The following ENOX1 variants were observed in gnomAD, a reference collection of about 807,000 sequenced individuals.
ENOX1 encodes ecto-NOX disulfide-thiol exchanger 1.
Under a neutral mutation model 82.5 loss-of-function variants are expected in ENOX1, and 42 were observed. The observed-to-expected ratio is 0.51, with a 90% CI of 0.40 to 0.66. ENOX1 has a LOEUF of 0.66. ENOX1 is among the 30% of genes least tolerant of loss of function. The pLI is 0.00. For synonymous variants in ENOX1, 271 were observed against 282.2 expected, an observed-to-expected ratio of 0.96 and a Z score of 0.40; for missense variants, 608 against 811.6, an observed-to-expected ratio of 0.75 and a Z score of 3.05.
intron 2 of ENOX1, among the ~76,000 whole-genome samples, chr13:43,572,484 A>C (rs559311600): frequency 4.3e-4 from 66 of 152,322 alleles, no homozygotes; most frequent in African/African-American, 1.5e-3. Flanking sequence ...CAATGAAAAC[A>C]ATGATGATCC....
intron 2 of ENOX1, among the ~76,000 whole-genome samples, chr13:43,517,133 G>T (rs7317280): frequency 0.26 from 39,236 of 152,120 alleles, 6,950 homozygotes; most frequent in East Asian, 0.65. Context: ...ATACAGACTA[G>T]AGTGTGCCTC....
chr13:43,432,918 CAATT>C (rs1239801830), intron 3 of ENOX1, among the ~76,000 whole-genome samples: 2 of 152,026 alleles, frequency 1.3e-5, no homozygotes, highest in Non-Finnish European at 2.9e-5. Context: ...CACCAAACAG[CAATT>C]AATTGTCAAT....
intron 16 of ENOX1, 57 bp from the exon 17 acceptor site, chr13:43,214,178 T>C: frequency 6.3e-7 from 1 of 1,576,738 alleles, no homozygotes; most frequent in Non-Finnish European, 8.7e-7. Context: ...AAAGGAGGAA[T>C]GGATTGGGGA....
At chr13:43,563,391 G>A (rs943075302) in intron 2 of ENOX1, among the ~76,000 whole-genome samples, 1 of 151,968 alleles carries the variant, frequency 6.6e-6, no homozygotes, top group African/African-American at 2.4e-5. Flanking sequence ...AGAGAAAACA[G>A]TTAGAAAAGG....
At chr13:43,272,803 T>C (rs921134798) in intron 12 of ENOX1, among the ~76,000 whole-genome samples, 2 of 152,172 alleles carry the variant, frequency 1.3e-5, no homozygotes, top group Admixed American at 1.3e-4. Context: ...ATTATTCTAA[T>C]GTGTAACTGG....
intron 2 of ENOX1, among the ~76,000 whole-genome samples, chr13:43,623,461 T>TGACTCAGCTCC (rs1268722495): frequency 8.7e-4 from 132 of 152,264 alleles, no homozygotes; most frequent in South Asian, 4.6e-3. Context: ...TGCTCAGCTC[T>TGACTCAGCTCC]CCAAACTGAC....
At chr13:43,709,861 G>A (rs408740) in intron 1 of ENOX1, among the ~76,000 whole-genome samples, 117,281 of 152,054 alleles carry the variant, frequency 0.77, 48,200 homozygotes, top group South Asian at 0.93. Context: ...AAACAGAACC[G>A]GAAATAATAA....
At chr13:43,454,957 C>T (rs1451412576) in intron 3 of ENOX1, among the ~76,000 whole-genome samples, 1 of 151,994 alleles carries the variant, frequency 6.6e-6, no homozygotes, top group African/African-American at 2.4e-5. Context: ...GCCAGCTGCC[C>T]ACCTGTTGTC....
At chr13:43,645,256 T>C (rs1447059775) in intron 2 of ENOX1, among the ~76,000 whole-genome samples, 3 of 152,108 alleles carry the variant, frequency 2.0e-5, no homozygotes, top group Admixed American at 1.3e-4. Flanking sequence ...TACCTGAGGC[T>C]CAAGTGATCC....
intron 1 of ENOX1, among the ~76,000 whole-genome samples, chr13:43,719,957 T>C (rs2153817599): frequency 6.6e-6 from 1 of 152,286 alleles, no homozygotes; most frequent in African/African-American, 2.4e-5. Context: ...GAAAATAACC[T>C]ACAGCAGGTT....
chr13:43,364,331 G>C (rs1433229186), intron 5 of ENOX1, among the ~76,000 whole-genome samples: 3 of 152,184 alleles, frequency 2.0e-5, no homozygotes, highest in Non-Finnish European at 4.4e-5. Flanking sequence ...GCGCAAAGAG[G>C]AGGACTGCTT....
At chr13:43,322,015 A>G (rs1053002102) in intron 11 of ENOX1, among the ~76,000 whole-genome samples, 6 of 152,234 alleles carry the variant, frequency 3.9e-5, no homozygotes, top group African/African-American at 4.8e-5. Context: ...GAAGCTAGAA[A>G]GCTTCTTCAG....
rs1308536883 is a variant in ENOX1, at chr13:43,284,463, A to C, written c.1446+13883T>G. Among the ~76,000 whole-genome samples the C allele has an allele frequency of 3.9e-5, 6 of 152,302 alleles. No individual in the cohort carries two copies. In the East Asian group the frequency reaches 1.2e-3, roughly 29 times the overall value. ...ATGAATGAGAATTCCAAAGCTGGCC[A>C]ACGAAAGCCACTCTGACTGAATCTG... On this transcript the variant is annotated intron_variant, in intron 12 of 16. Coordinates refer to ENST00000690772, the MANE Select transcript of ENOX1 (RefSeq NM_001347969.2).
chr13:43,405,211 A>C (rs1594375350), intron 5 of ENOX1, among the ~76,000 whole-genome samples: 1 of 152,110 alleles, frequency 6.6e-6, no homozygotes, highest in South Asian at 2.1e-4. Flanking sequence ...CTCATTTCAA[A>C]TCTTGGAGCC....
chr13:43,575,151 A>T (rs1171322845), intron 2 of ENOX1, among the ~76,000 whole-genome samples: 1 of 152,204 alleles, frequency 6.6e-6, no homozygotes. Flanking sequence ...GCCCTTTAAT[A>T]TTTAACTTCA....
At chr13:43,598,421 A>T (rs562212749) in intron 2 of ENOX1, among the ~76,000 whole-genome samples, 191 of 152,346 alleles carry the variant, frequency 1.3e-3, no homozygotes, top group African/African-American at 3.7e-3. Context: ...GATTGAAAGT[A>T]CTAGTATCAG....
chr13:43,739,843 A>G (rs1261981509), intron 1 of ENOX1, among the ~76,000 whole-genome samples: 2 of 152,074 alleles, frequency 1.3e-5, no homozygotes, highest in Non-Finnish European at 2.9e-5. Flanking sequence ...CACCCGAAAC[A>G]GCAAGACCCA....
chr13:43,598,526 G>A (rs9567227), intron 2 of ENOX1, among the ~76,000 whole-genome samples: 64,299 of 151,986 alleles, frequency 0.42, 16,197 homozygotes, highest in East Asian at 0.79. Flanking sequence ...TGTTCCTAAC[G>A]GGGGCTCCTC....
chr13:43,240,022 C>T (rs1272325799), intron 14 of ENOX1, among the ~76,000 whole-genome samples: 1 of 151,948 alleles, frequency 6.6e-6, no homozygotes, highest in Non-Finnish European at 1.5e-5. Context: ...TACCCTCTCT[C>T]TTTGTTTTTA....
Sources: allele counts gnomAD v4.1 joint callset (sites outside exome capture counted in the v4.1 genomes callset), GRCh38; gene constraint gnomAD v4.1.1; transcripts MANE v1.5; gene names NCBI Gene and HGNC (gene_info 2026-07-23, HGNC 2026-07-21).